The following DOCK2 variants were observed in gnomAD, a reference collection of about 807,000 sequenced individuals.
DOCK2 encodes the protein dedicator of cytokinesis 2, also known as dedicator of cytokinesis protein 2.
A neutral mutation model predicts 248.9 loss-of-function variants in DOCK2; 87 were observed. The ratio of observed to expected loss-of-function variants is 0.35; its 90% confidence interval spans 0.29 to 0.42. DOCK2 has a LOEUF of 0.42. Among genes scored for constraint, DOCK2 ranks in the 10% least tolerant of loss-of-function variants. DOCK2 has a pLI of 1.00. For synonymous variants in DOCK2, 805 were observed against 821.6 expected (o/e 0.98, Z 0.35); for missense variants, 1,747 against 2,300.2 (o/e 0.76, Z 4.92).
At chr5:170,012,978 G>C (rs1050691343) in intron 32 of DOCK2, among the ~76,000 whole-genome samples, 1 of 152,060 alleles carries the variant, frequency 6.6e-6, no homozygotes, top group Non-Finnish European at 1.5e-5. Context: ...TTGGTGCGGA[G>C]GTCCAGGGAG....
chr5:169,781,821 C>T (rs1765730187), intron 25 of DOCK2, among the ~76,000 whole-genome samples: 1 of 152,170 alleles, frequency 6.6e-6, no homozygotes, highest in Non-Finnish European at 1.5e-5. Flanking sequence ...CAGGACATTG[C>T]CCCCTTTTGC....
chr5:170,018,953 C>T lies in DOCK2; in HGVS notation c.3233-7C>T, dbSNP rs1452652769. ...TTTTATGTGTTCATGTTCCTCTTCT[C>T]TTTCAGGTCAGAACAAAATCTGCTT... On this transcript the variant is annotated splice_polypyrimidine_tract_variant and splice_region_variant and intron_variant, in intron 32 of 51. Coordinates refer to ENST00000520908, the MANE Select transcript of DOCK2 (RefSeq NM_004946.3). 1 of 1,613,628 alleles carries T rather than the reference C, an allele frequency of 6.2e-7. No homozygotes were observed. Among genetic ancestry groups the T allele is most frequent in the African/African-American group, 1.3e-5 (1 of 74,886 alleles).
Position 169,782,173 on chromosome 5 carries a change from G to C in DOCK2, c.2554+20548G>C, listed in dbSNP as rs527323179. Among the ~76,000 whole-genome samples the C allele has an allele frequency of 1.2e-4, 19 of 152,280 alleles. No homozygotes were observed. In the South Asian group the frequency reaches 3.9e-3, roughly 32 times the overall value. ...CAAATCTTGATAGGTAGTGGGACCT[G>C]TCAGCAAACAGCAGACTGGCTTATG... On this transcript the variant is annotated intron_variant, in intron 25 of 51. Transcript: ENST00000520908.
At chr5:170,045,570 C>T (rs184517031) in intron 38 of DOCK2, among the ~76,000 whole-genome samples, 52 of 152,234 alleles carry the variant, frequency 3.4e-4, no homozygotes, top group African/African-American at 8.4e-4. Context: ...AATCAGAGCA[C>T]GTAAATAAAG....
chr5:169,657,358 T>C (rs923140623), intron 2 of DOCK2, among the ~76,000 whole-genome samples: 6 of 152,140 alleles, frequency 3.9e-5, no homozygotes, highest in Non-Finnish European at 8.8e-5. Context: ...CAAAAATTAG[T>C]CAAAACTGTG....
At chr5:169,987,427 G>A (rs1453667018) in intron 29 of DOCK2, among the ~76,000 whole-genome samples, 10 of 152,224 alleles carry the variant, frequency 6.6e-5, no homozygotes, top group Non-Finnish European at 1.3e-4. Context: ...GAAGCAGAGA[G>A]AGTAGTTCTT....
chr5:169,826,067 C>T lies in DOCK2; in HGVS notation c.2704-14690C>T, dbSNP rs150121655. 2.8e-3 allele frequency among the ~76,000 whole-genome samples: 433 copies of T among 152,206 alleles called. 2 individuals carry two copies. Among genetic ancestry groups the T allele is most frequent in the Non-Finnish European group, 4.4e-3 (298 of 68,000 alleles). On this transcript the variant is annotated intron_variant, in intron 26 of 51. Coordinates refer to ENST00000520908, the MANE Select transcript of DOCK2 (RefSeq NM_004946.3). ...AGTAGTTTAGACAATGTTACTCACC[C>T]ATCCATTCATTCTTTCATCCAACCA...
intron 2 of DOCK2, among the ~76,000 whole-genome samples, chr5:169,664,862 C>A (rs1758636752): frequency 6.6e-6 from 1 of 152,094 alleles, no homozygotes. Context: ...AAGCTTCCAT[C>A]TGATCTCAAT....
chr5:169,712,308 A>T, intron 17 of DOCK2, 85 bp downstream of exon 17: 1 of 1,202,684 alleles, frequency 8.3e-7, no homozygotes, highest in East Asian at 2.4e-5. Flanking sequence ...GGTCAACAGC[A>T]GGGACCCCAG....
chr5:169,937,201 T>C (rs987868124), intron 27 of DOCK2, among the ~76,000 whole-genome samples: 3 of 152,182 alleles, frequency 2.0e-5, no homozygotes, highest in African/African-American at 7.2e-5. Flanking sequence ...CCATCAAAAA[T>C]TTGAGGAGTT....
At chr5:169,781,355 A>T (rs1765706602) in intron 25 of DOCK2, among the ~76,000 whole-genome samples, 1 of 152,336 alleles carries the variant, frequency 6.6e-6, no homozygotes, top group African/African-American at 2.4e-5. Flanking sequence ...GAGCTGGAAA[A>T]TTTAAACTCT....
intron 36 of DOCK2, 118 bp downstream of exon 36, chr5:170,036,673 C>A: frequency 1.1e-6 from 1 of 943,468 alleles, no homozygotes; most frequent in Non-Finnish European, 1.6e-6. Context: ...GACATTCAGG[C>A]CCTCTGTGTT....
chr5:169,870,704 T>G (rs776289877), intron 27 of DOCK2, among the ~76,000 whole-genome samples: 1 of 152,152 alleles, frequency 6.6e-6, no homozygotes, highest in Non-Finnish European at 1.5e-5. Flanking sequence ...CTGCACCCAT[T>G]AACTCATCAT....
chr5:169,718,835 C>T (rs1159073499), intron 22 of DOCK2, 44 bp downstream of exon 22: 2 of 1,583,552 alleles, frequency 1.3e-6, no homozygotes, highest in East Asian at 2.3e-5. Context: ...CTCTGCAATT[C>T]CTCTGGGATA....
chr5:169,886,169 A>G (rs1772956600), intron 27 of DOCK2, among the ~76,000 whole-genome samples: 1 of 152,134 alleles, frequency 6.6e-6, no homozygotes, highest in African/African-American at 2.4e-5. Flanking sequence ...GTATGTCTTT[A>G]TTAGTGGCGT....
chr5:169,653,525 G>A (rs1321636137), intron 1 of DOCK2, among the ~76,000 whole-genome samples: 1 of 152,138 alleles, frequency 6.6e-6, no homozygotes, highest in Non-Finnish European at 1.5e-5. Context: ...CTCACACCGG[G>A]GCCTTCCTCC....
intron 25 of DOCK2, among the ~76,000 whole-genome samples, chr5:169,778,967 T>C (rs545093335): frequency 1.3e-5 from 2 of 152,192 alleles, no homozygotes; most frequent in Non-Finnish European, 2.9e-5. Context: ...CTTATTTCAG[T>C]TAGCATCACG....
intron 26 of DOCK2, among the ~76,000 whole-genome samples, chr5:169,810,916 G>A (rs556150920): frequency 4.6e-5 from 7 of 151,052 alleles, no homozygotes; most frequent in East Asian, 1.9e-4. Flanking sequence ...TGTCTAATGC[G>A]TTGAATATGC....
intron 1 of DOCK2, among the ~76,000 whole-genome samples, chr5:169,646,768 C>T (rs977967282): frequency 2.0e-5 from 3 of 152,152 alleles, no homozygotes; most frequent in Non-Finnish European, 4.4e-5. Flanking sequence ...AGGTCCCTGG[C>T]AAAATGTGCT....
Sources: allele counts gnomAD v4.1 joint callset (sites outside exome capture counted in the v4.1 genomes callset), GRCh38; gene constraint gnomAD v4.1.1; transcripts MANE v1.5; gene names NCBI Gene and HGNC (gene_info 2026-07-23, HGNC 2026-07-21).